TADA2A: variants seen among roughly 807,000 people sequenced by gnomAD.
TADA2A encodes transcriptional adapter 2-alpha.
Under a neutral mutation model 67.4 loss-of-function variants are expected in TADA2A, and 38 were observed. That is an observed-to-expected ratio of 0.56 (90% CI 0.44 to 0.74). TADA2A has a LOEUF of 0.74. Among genes scored for constraint, TADA2A ranks in the 30% least tolerant of loss-of-function variants. TADA2A has a pLI of 0.00. For missense variants in TADA2A, 454 were observed against 547.0 expected (o/e 0.83, Z 1.70); for synonymous variants, 192 against 181.6 (o/e 1.06, Z -0.46).
Position 37,477,075 on chromosome 17 carries a change from CTGAATTCTCATGG to C in TADA2A, c.*98_*110del. 7.7e-7 allele frequency: 1 copy of C among 1,304,982 alleles called. No homozygotes were observed. Among genetic ancestry groups the C allele is most frequent in the Non-Finnish European group, 1.1e-6 (1 of 952,292 alleles). 80.8% of individuals were successfully genotyped at this position (1,304,982 alleles called of 1,614,324 possible). A position where few individuals can be genotyped will look rare whatever the true frequency, so the allele number is the denominator to read the frequency against. ...GGCATTCTGGAGAGTTGTTTTTCAG[CTGAATTCTCATGG>C]TGAAAACAGGGGAAAGGACAAAGGA... On this transcript the variant is annotated 3_prime_UTR_variant, in exon 16 of 16. Transcript: ENST00000615182.
chr17:37,408,777 A>G (rs1332450528), intron 1 of TADA2A, among the ~76,000 whole-genome samples: 1 of 152,096 alleles, frequency 6.6e-6, no homozygotes, highest in Non-Finnish European at 1.5e-5. Flanking sequence ...CACCCTTGCT[A>G]GACTCATTTT....
intron 14 of TADA2A, 77 bp downstream of exon 14, chr17:37,471,214 C>A: frequency 1.4e-6 from 2 of 1,463,534 alleles, no homozygotes; most frequent in Non-Finnish European, 1.9e-6. Flanking sequence ...CAGCAATCTT[C>A]CTTCCTCTGT....
At chr17:37,467,839 T>A (rs1361387702) in intron 12 of TADA2A, among the ~76,000 whole-genome samples, 5 of 152,168 alleles carry the variant, frequency 3.3e-5, no homozygotes, top group African/African-American at 1.2e-4. Flanking sequence ...CCCAGCACTT[T>A]GGGAGGCCAA....
At chr17:37,460,124 G>T (rs2053512530) in intron 9 of TADA2A, among the ~76,000 whole-genome samples, 2 of 151,366 alleles carry the variant, frequency 1.3e-5, no homozygotes, top group Non-Finnish European at 2.9e-5. Context: ...ATGTTGCCTG[G>T]GCTGGTCCTG....
intron 10 of TADA2A, among the ~76,000 whole-genome samples, chr17:37,464,780 A>G (rs1226714926): frequency 6.9e-6 from 1 of 145,338 alleles, no homozygotes; most frequent in East Asian, 2.2e-4. Context: ...CAGAGGTTAC[A>G]GTGAGCTGAG....
intron 3 of TADA2A, among the ~76,000 whole-genome samples, chr17:37,424,762 G>T (rs568164749): frequency 1.3e-5 from 2 of 152,150 alleles, no homozygotes; most frequent in African/African-American, 2.4e-5. Context: ...CTCCACGTTG[G>T]TCAGGCTGGT....
At chr17:37,472,816 C>T (rs984344643) in intron 14 of TADA2A, among the ~76,000 whole-genome samples, 26 of 152,196 alleles carry the variant, frequency 1.7e-4, no homozygotes, top group African/African-American at 6.0e-4. Context: ...GAGCCAAGAT[C>T]GCACCATTGC....
At chr17:37,457,068 A>G (rs939285420) in intron 8 of TADA2A, among the ~76,000 whole-genome samples, 1 of 151,934 alleles carries the variant, frequency 6.6e-6, no homozygotes, top group Admixed American at 6.6e-5. Context: ...CTGCTCCCCA[A>G]CTGAAAACTC....
chr17:37,415,585 G>A (rs1375741656), intron 2 of TADA2A, among the ~76,000 whole-genome samples: 2 of 151,880 alleles, frequency 1.3e-5, no homozygotes, highest in South Asian at 2.1e-4. Context: ...CCAGTGATAC[G>A]TAAGAGTGCC....
chr17:37,446,598 T>TAAA (rs5820218), intron 8 of TADA2A, among the ~76,000 whole-genome samples: 1 of 147,372 alleles, frequency 6.8e-6, no homozygotes, highest in African/African-American at 2.5e-5. Context: ...ACCCTGTCTC[T>TAAA]AAAAAAAAAA....
At chr17:37,438,367 C>A (rs1189545704) in intron 5 of TADA2A, among the ~76,000 whole-genome samples, 1 of 152,166 alleles carries the variant, frequency 6.6e-6, no homozygotes, top group Non-Finnish European at 1.5e-5. Context: ...CTACCACTTT[C>A]GTTTTTATCT....
intron 1 of TADA2A, among the ~76,000 whole-genome samples, chr17:37,410,053 C>T (rs2051813305): frequency 1.3e-5 from 2 of 152,034 alleles, no homozygotes; most frequent in Admixed American, 1.3e-4. Flanking sequence ...TGCTTGTAAT[C>T]CCAGCTTCTC....
At chr17:37,430,936 ACT>A (rs2052549214) in intron 4 of TADA2A, among the ~76,000 whole-genome samples, 2 of 151,984 alleles carry the variant, frequency 1.3e-5, no homozygotes, top group African/African-American at 4.8e-5. Flanking sequence ...ATAGATATAG[ACT>A]CTGAAATTTC....
At chr17:37,462,146 T>C (rs1360886963) in intron 10 of TADA2A, 25 bp downstream of exon 10, 2 of 1,445,700 alleles carry the variant, frequency 1.4e-6, no homozygotes, top group Admixed American at 4.0e-5. Flanking sequence ...TTTTCTTTAT[T>C]TTACAATTTT....
At chr17:37,437,693 T>G (rs1468142640) in intron 4 of TADA2A, 45 bp from the exon 5 acceptor site, 1 of 1,579,082 alleles carries the variant, frequency 6.3e-7, no homozygotes, top group African/African-American at 1.4e-5. Flanking sequence ...GGCCCCTAGA[T>G]TCCATTTGTA....
At chr17:37,425,874 C>T (rs2052390403) in intron 3 of TADA2A, among the ~76,000 whole-genome samples, 1 of 143,808 alleles carries the variant, frequency 7.0e-6, no homozygotes, top group South Asian at 2.2e-4. Flanking sequence ...TCAGGCTGGT[C>T]TGGAACTCTT....
chr17:37,452,485 C>T (rs2053262419), intron 8 of TADA2A, among the ~76,000 whole-genome samples: 1 of 152,160 alleles, frequency 6.6e-6, no homozygotes, highest in Non-Finnish European at 1.5e-5. Context: ...CTGGCTTTAA[C>T]TGTTGACTTC....
intron 1 of TADA2A, 60 bp from the exon 2 acceptor site, chr17:37,411,187 GCTGAGTATGTTGCATATCTTCT>G: frequency 1.6e-6 from 1 of 634,638 alleles, no homozygotes. Context: ...ATGTGGCAGA[GCTGAGTATGTTGCATATCTTCT>G]CTTTATCTTG....
At chr17:37,464,913 G>A (rs77296925) in intron 10 of TADA2A, among the ~76,000 whole-genome samples, 3 of 150,532 alleles carry the variant, frequency 2.0e-5, no homozygotes, top group Non-Finnish European at 2.9e-5. Flanking sequence ...TTGGGAGGCC[G>A]AGGCGGGTGG....
Sources: allele counts gnomAD v4.1 joint callset (sites outside exome capture counted in the v4.1 genomes callset), GRCh38; gene constraint gnomAD v4.1.1; transcripts MANE v1.5; gene names NCBI Gene and HGNC (gene_info 2026-07-23, HGNC 2026-07-21).